JSRP1: variants seen among roughly 807,000 people sequenced by gnomAD.
The protein encoded by JSRP1 is junctional sarcoplasmic reticulum protein 1.
In JSRP1, 29 loss-of-function variants were observed where a neutral mutation model predicts 21.4. The ratio of observed to expected loss-of-function variants is 1.36; its 90% CI spans 1.01 to 1.85. The LOEUF (loss-of-function observed/expected upper bound fraction) is 1.85. Among genes scored for constraint, JSRP1 ranks in the 40% most tolerant of loss-of-function variants. JSRP1 has a pLI of 0.00. For missense variants in JSRP1, 531 were observed against 461.5 expected, an observed-to-expected ratio of 1.15 and a Z score of -1.38; for synonymous variants, 221 against 206.1, an observed-to-expected ratio of 1.07 and a Z score of -0.62.
rs766887441 is a variant in JSRP1, at chr19:2,252,750, C to T, written c.575G>A (p.Arg192Gln). 4.3e-6 allele frequency: 7 copies of T among 1,612,416 alleles called. No homozygotes were observed. The highest frequency in any genetic ancestry group is 2.7e-5 in the African/African-American group (2 of 74,930). ...QAPPSAPPAP[R>Q]AEAEVRPKIP... ...CTTGGGTCTGACCTCTGCCTCGGCC[C>T]GGGGCGCAGGCGGCGCTGATGGAGG... The change falls in exon 7 of 7, where the codon CGG becomes CAG. Residue 192 changes from arginine to glutamine, a missense_variant. Transcript: ENST00000300961.
intron 2 of JSRP1, 80 bp from the exon 3 acceptor site, chr19:2,254,562 G>T (rs1054746834): frequency 1.3e-6 from 2 of 1,518,880 alleles, no homozygotes; most frequent in African/African-American, 1.4e-5. Flanking sequence ...GCTGGGTGAC[G>T]TGCGGGTGAC....
In JSRP1 at chr19:2,252,293, C is replaced by T; in HGVS notation, c.*36G>A. The T allele has an allele frequency of 7.0e-7, 1 of 1,428,168 alleles. No homozygotes were observed. The highest frequency in any genetic ancestry group is 9.2e-7 in the Non-Finnish European group (1 of 1,091,666). 88.5% of individuals were successfully genotyped at this position (1,428,168 alleles called of 1,614,324 possible). ...TTATTTCGCCAGAGTCGCGGGGCGT[C>T]CAGAAGGGGCCCCTGGACTCCGGCG... On this transcript the variant is annotated 3_prime_UTR_variant, in exon 7 of 7. Coordinates refer to ENST00000300961, the MANE Select transcript of JSRP1 (RefSeq NM_144616.4).
chr19:2,253,569 G>A (rs1433364172), intron 5 of JSRP1, 51 bp downstream of exon 5: 2 of 1,386,032 alleles, frequency 1.4e-6, no homozygotes, highest in Admixed American at 3.3e-5. Flanking sequence ...GGAGGAATAG[G>A]CGCACAGGTG....
At chr19:2,254,328 T>G in intron 3 of JSRP1, 27 bp from the exon 4 acceptor site, 4 of 1,595,070 alleles carry the variant, frequency 2.5e-6, no homozygotes, top group Non-Finnish European at 3.4e-6. Flanking sequence ...ACATTCCACA[T>G]GTTTCCTTCC....
At chr19:2,253,434 G>C (rs1201417204) in intron 5 of JSRP1, among the ~76,000 whole-genome samples, 186 bp downstream of exon 5, 1 of 152,252 alleles carries the variant, frequency 6.6e-6, no homozygotes, top group Non-Finnish European at 1.5e-5. Flanking sequence ...TCCACACCGG[G>C]TGAGAGGGGC....
chr19:2,252,584 C>A lies in JSRP1; in HGVS notation c.741G>T (p.Lys247Asn), dbSNP rs748763984. Reference sequence around the variant, plus strand: ...GTCTCTCCTCCTTCCGCGGCTTCTCCTTCCGCGGCTTCCCCTCTCTCCGAG... The same window carrying A: ...GTCTCTCCTCCTTCCGCGGCTTCTCATTCCGCGGCTTCCCCTCTCTCCGAG... Reference protein sequence around the residue: ...ERPRREGKPRKEKPRKEERPK... With the variant: ...ERPRREGKPRNEKPRKEERPK... Residue 247 changes from lysine (K) to asparagine (N), a missense_variant, in exon 7 of 7, where the codon AAG becomes AAT. Coordinates refer to ENST00000300961, the MANE Select transcript of JSRP1 (RefSeq NM_144616.4). The A allele has an allele frequency of 6.2e-7, 1 of 1,612,798 alleles. No homozygotes were observed. The highest frequency in any genetic ancestry group is 1.1e-5 in the South Asian group (1 of 91,074).
chr19:2,253,645 C>T lies in JSRP1; in HGVS notation c.411G>A (p.Leu137=), dbSNP rs1253455998. The change falls in exon 5 of 7, where the codon CTG becomes CTA. Residue 137 remains leucine, a synonymous_variant. Coordinates refer to ENST00000300961, the MANE Select transcript of JSRP1 (RefSeq NM_144616.4). ...CLVLASLVAL[L]GSAFQLCRDA... is the part of the protein sequence containing the mutation. ...CGCGGCACAGCTGGAAAGCCGAGCC[C>T]AGCAGCGCCACCAGCGAGGCGAGCA... The T allele has an allele frequency of 2.0e-6, 3 of 1,505,074 alleles. No homozygotes were observed. The African/African-American group carries it at 4.3e-5, about 22-fold the overall frequency. 93.2% of individuals were successfully genotyped at this position (1,505,074 alleles called of 1,614,324 possible). A position where few individuals can be genotyped will look rare whatever the true frequency, so the allele number is the denominator to read the frequency against.
At position 2,252,355 on chromosome 19, in the gene JSRP1, GCTTCTGGCGACTCCCA is replaced by G; in HGVS notation, c.954_969del (p.Gly319SerfsTer29). 1.3e-6 allele frequency: 2 copies of G among 1,544,172 alleles called. No homozygotes were observed. The highest frequency in any genetic ancestry group is 1.7e-6 in the Non-Finnish European group (2 of 1,149,166). Reference sequence around the variant, plus strand: ...CAGTCCCGCCCCTTGCCTGCGCGGAGCTTCTGGCGACTCCCAGGCCGCTGCTCCTCGTCGGGACGCC... The same window carrying G: ...CAGTCCCGCCCCTTGCCTGCGCGGAGGGCCGCTGCTCCTCGTCGGGACGCC... On this transcript the variant is annotated frameshift_variant, in exon 7 of 7. Transcript: ENST00000300961. LOFTEE classifies it high-confidence loss of function.
Position 2,255,294 on chromosome 19 carries a change from G to A in JSRP1, c.21C>T (p.Ala7=). Residue 7 remains alanine (A), a synonymous_variant, in exon 2 of 7, where the codon GCC becomes GCT. Transcript: ENST00000300961. The part of the protein sequence containing the change: MSMTTR[A]WEELDGGLGS... ...CCAGGCCGCCATCCAGCTCCTCCCA[G>A]GCTCTGGTTGTCATGGACATGGCTG... The A allele has an allele frequency of 6.2e-7, 1 of 1,610,866 alleles. No individual in the cohort carries two copies. The highest frequency in any genetic ancestry group is 8.5e-7 in the Non-Finnish European group (1 of 1,178,766).
chr19:2,252,607 G>C lies in JSRP1; in HGVS notation c.718C>G (p.Arg240Gly). ...LADRGPKERP[R>G]REGKPRKEKP... Reference sequence around the variant, plus strand: ...TCCTTCCGCGGCTTCCCCTCTCTCCGAGGCCTCTCCTTGGGTCCCCGGTCT... The same window carrying C: ...TCCTTCCGCGGCTTCCCCTCTCTCCCAGGCCTCTCCTTGGGTCCCCGGTCT... The change falls in exon 7 of 7, where the codon CGG becomes GGG. Residue 240 changes from arginine (R) to glycine (G), a missense_variant. Physicochemically the swap from Arg to Gly is moderately radical, Grantham distance 125. Transcript: ENST00000300961. The C allele has an allele frequency of 1.9e-6, 3 of 1,612,598 alleles. No individual in the cohort carries two copies. Among genetic ancestry groups the C allele is most frequent in the Non-Finnish European group, 2.5e-6 (3 of 1,179,892 alleles).
intron 1 of JSRP1, 39 bp from the exon 2 acceptor site, chr19:2,255,383 T>G (rs1440539968): frequency 2.0e-6 from 2 of 1,008,310 alleles, no homozygotes; most frequent in African/African-American, 3.3e-5. Context: ...ATTTACTGAG[T>G]CTCTGCCACA....
At position 2,252,859 on chromosome 19, in the gene JSRP1, T is replaced by C. The variant is rs910958971; in HGVS notation, c.528+53A>G. ...CTTCCCCCCGGCCCGGGCTCCTTCTTTCCTTGGGGATGAAGGTCCCAATGC... is the reference window on the plus strand; with the variant it reads ...CTTCCCCCCGGCCCGGGCTCCTTCTCTCCTTGGGGATGAAGGTCCCAATGC... On this transcript the variant is annotated intron_variant, in intron 6 of 6. Coordinates refer to ENST00000300961, the MANE Select transcript of JSRP1 (RefSeq NM_144616.4). The C allele has an allele frequency of 1.9e-6, 3 of 1,596,606 alleles. No individual in the cohort carries two copies. In the Admixed American group the frequency reaches 5.1e-5, roughly 27 times the overall value.
At chr19:2,253,534 C>A (rs1260915922) in intron 5 of JSRP1, 86 bp downstream of exon 5, 4 of 1,308,522 alleles carry the variant, frequency 3.1e-6, no homozygotes, top group Non-Finnish European at 3.9e-6. Flanking sequence ...CCAGACCCCA[C>A]CCTGGCGGCA....
At chr19:2,254,636 A>T (rs376730934) in intron 2 of JSRP1, among the ~76,000 whole-genome samples, 154 bp from the exon 3 acceptor site, 16 of 151,892 alleles carry the variant, frequency 1.1e-4, no homozygotes, top group African/African-American at 3.9e-4. Context: ...CCTGGAATCC[A>T]GCATTTTGGG....
rs2025064481 is a variant in JSRP1 at position 2,252,265 on chromosome 19, G to T, written c.*64C>A. The T allele has an allele frequency of 7.4e-7, 1 of 1,358,708 alleles. No individual in the cohort carries two copies. The highest frequency in any genetic ancestry group is 9.7e-7 in the Non-Finnish European group (1 of 1,030,024). 84.2% of individuals were successfully genotyped at this position (1,358,708 alleles called of 1,614,324 possible). A position where few individuals can be genotyped will look rare whatever the true frequency, so the allele number is the denominator to read the frequency against. ...AGGTGACTCTGCGGCCGCAGCACTC[G>T]CTTTATTTCGCCAGAGTCGCGGGGC... is the stretch of plus-strand genomic sequence containing the variant. On this transcript the variant is annotated 3_prime_UTR_variant, in exon 7 of 7. Coordinates refer to ENST00000300961, the MANE Select transcript of JSRP1 (RefSeq NM_144616.4).
chr19:2,254,471 G>T lies in JSRP1; in HGVS notation c.121C>A (p.Leu41Met). Reference protein sequence around the residue: ...QEDRASATPRLADSGSVPHDS... With the variant: ...QEDRASATPRMADSGSVPHDS... ...TGGGGCACGCTGCCGGAGTCGGCCA[G>T]CCTGGGTGTCGCTGTGGGAACACAG... The change falls in exon 3 of 7, where the codon CTG becomes ATG. Residue 41 changes from leucine (L) to methionine (M), a missense_variant. Physicochemically the swap from Leu to Met is conservative, Grantham distance 15 (BLOSUM62 2). Transcript: ENST00000300961. 1 of 1,612,872 alleles carries T rather than the reference G, an allele frequency of 6.2e-7. No homozygotes were observed. The highest frequency in any genetic ancestry group is 1.1e-5 in the South Asian group (1 of 91,092).
intron 5 of JSRP1, 25 bp from the exon 6 acceptor site, chr19:2,253,028 A>C (rs774207072): frequency 2.6e-6 from 4 of 1,548,816 alleles, no homozygotes; most frequent in Non-Finnish European, 3.5e-6. Context: ...TCGGGACCCG[A>C]GTCAGCTGGG....
rs199570386 is a variant in JSRP1, at chr19:2,254,487, G to A, written c.110-5C>T. On this transcript the variant is annotated splice_polypyrimidine_tract_variant and splice_region_variant and intron_variant, in intron 2 of 6. Coordinates refer to ENST00000300961, the MANE Select transcript of JSRP1 (RefSeq NM_144616.4). ...AGTCGGCCAGCCTGGGTGTCGCTGT[G>A]GGAACACAGGCAGAGTCAAGGTTGT... 1.2e-6 allele frequency: 2 copies of A among 1,612,680 alleles called. No individual in the cohort carries two copies. Among genetic ancestry groups the A allele is most frequent in the Non-Finnish European group, 1.7e-6 (2 of 1,179,946 alleles).
intron 2 of JSRP1, 132 bp downstream of exon 2, chr19:2,255,074 G>T (rs571206744): frequency 3.7e-6 from 2 of 536,918 alleles, no homozygotes; most frequent in South Asian, 3.4e-5. Flanking sequence ...AGGGCCAGGG[G>T]TTGAACATGG....
Sources: allele counts gnomAD v4.1 joint callset (sites outside exome capture counted in the v4.1 genomes callset), GRCh38; gene constraint gnomAD v4.1.1; transcripts MANE v1.5; gene names NCBI Gene and HGNC (gene_info 2026-07-23, HGNC 2026-07-21).